CAMKMT: variants seen among roughly 807,000 people sequenced by gnomAD.
CAMKMT encodes calmodulin-lysine N-methyltransferase.
In CAMKMT, 53 loss-of-function variants were observed where a neutral mutation model predicts 48.0. The ratio of observed to expected loss-of-function variants is 1.10; its 90% CI spans 0.89 to 1.39. The LOEUF (loss-of-function observed/expected upper bound fraction) is 1.39, where lower values mean the gene tolerates loss of function less well. CAMKMT is among the 40% of genes most tolerant of loss of function. The probability of loss-of-function intolerance (pLI) is 0.00; values close to 1 mark genes in which losing one functional copy is unlikely to be tolerated. For synonymous variants in CAMKMT, 165 were observed against 152.3 expected (o/e 1.08, Z -0.61); for missense variants, 428 against 402.7 (o/e 1.06, Z -0.54).
rs139603352 is a variant in CAMKMT, at chr2:44,684,167, T to A, written c.377-20116T>A. Among the ~76,000 whole-genome samples, 445 of 152,246 alleles carry A rather than the reference T, an allele frequency of 2.9e-3. 2 individuals carry two copies. The highest frequency in any genetic ancestry group is 0.016 in the South Asian group (79 of 4,824). ...CTTTACTGCTGGAGAGAGAAGGAAA[T>A]CTGTTTTCTGTCCTGAGAAGTCCAG... On this transcript the variant is annotated intron_variant, in intron 3 of 10. Coordinates refer to ENST00000378494, the MANE Select transcript of CAMKMT (RefSeq NM_024766.5).
At chr2:44,540,851 T>G (rs1572751966) in intron 3 of CAMKMT, among the ~76,000 whole-genome samples, 2 of 152,360 alleles carry the variant, frequency 1.3e-5, no homozygotes, top group East Asian at 3.9e-4. Flanking sequence ...AATTTATATT[T>G]ATATATGTGG....
At chr2:44,753,693 G>C (rs1573233683) in intron 8 of CAMKMT, among the ~76,000 whole-genome samples, 1 of 152,184 alleles carries the variant, frequency 6.6e-6, no homozygotes, top group Non-Finnish European at 1.5e-5. Context: ...TTGGTGGGCA[G>C]AGGGCCCAGG....
intron 3 of CAMKMT, among the ~76,000 whole-genome samples, chr2:44,620,824 C>T (rs1672144056): frequency 6.6e-6 from 1 of 152,212 alleles, no homozygotes; most frequent in Admixed American, 6.5e-5. Context: ...AGAATTCAGG[C>T]TCCACCCCTT....
At chr2:44,385,096 T>G (rs898285197) in intron 2 of CAMKMT, among the ~76,000 whole-genome samples, 4 of 152,228 alleles carry the variant, frequency 2.6e-5, no homozygotes, top group African/African-American at 9.6e-5. Context: ...ACCATATTGA[T>G]TCTACCTATC....
At chr2:44,625,813 T>C (rs1404675760) in intron 3 of CAMKMT, among the ~76,000 whole-genome samples, 1 of 152,212 alleles carries the variant, frequency 6.6e-6, no homozygotes, top group African/African-American at 2.4e-5. Context: ...TGAAAATTAA[T>C]TGATGTAAAT....
At chr2:44,469,245 A>G (rs1239767221) in intron 3 of CAMKMT, among the ~76,000 whole-genome samples, 1 of 148,670 alleles carries the variant, frequency 6.7e-6, no homozygotes, top group Non-Finnish European at 1.5e-5. Context: ...ATAAATGTGT[A>G]CAATTACTAT....
At chr2:44,573,274 A>G (rs998184901) in intron 3 of CAMKMT, among the ~76,000 whole-genome samples, 3 of 152,178 alleles carry the variant, frequency 2.0e-5, no homozygotes, top group East Asian at 1.9e-4. Context: ...CCAGTTTTCA[A>G]TCAGGTTTTT....
At chr2:44,372,977 T>C in intron 2 of CAMKMT, 89 bp downstream of exon 2, 1 of 1,250,290 alleles carries the variant, frequency 8.0e-7, no homozygotes. Context: ...TTATTTATTC[T>C]ATTGAGTTTA....
intron 3 of CAMKMT, among the ~76,000 whole-genome samples, chr2:44,409,003 A>G (rs561582749): frequency 6.6e-6 from 1 of 150,854 alleles, no homozygotes; most frequent in East Asian, 2.0e-4. Context: ...CGGCCTCCCA[A>G]AGAGTCAGGA....
At chr2:44,419,008 A>G (rs1683753480) in intron 3 of CAMKMT, among the ~76,000 whole-genome samples, 1 of 152,204 alleles carries the variant, frequency 6.6e-6, no homozygotes, top group African/African-American at 2.4e-5. Flanking sequence ...AATATTTTAA[A>G]TAATCTTTTA....
At chr2:44,772,010 C>G (rs368874581) in intron 10 of CAMKMT, 26 bp from the exon 11 acceptor site, 30 of 1,554,102 alleles carry the variant, frequency 1.9e-5, no homozygotes, top group Non-Finnish European at 2.6e-5. Context: ...GTCCCCTTAC[C>G]TTTTTCTTTC....
At chr2:44,448,273 G>A (rs1158833860) in intron 3 of CAMKMT, among the ~76,000 whole-genome samples, 1 of 152,010 alleles carries the variant, frequency 6.6e-6, no homozygotes, top group Non-Finnish European at 1.5e-5. Flanking sequence ...TCTGCCTTTA[G>A]TTGAAAAAAA....
In CAMKMT at chr2:44,504,424, A is replaced by G. The variant is rs1470719172; in HGVS notation, c.376+114119A>G. On this transcript the variant is annotated intron_variant, in intron 3 of 10. Transcript: ENST00000378494. ...TTCAAAATGAGCTTTTTGAGAGCTC[A>G]TAATTGGCTTACCTTATGATTCCAT... Among the ~76,000 whole-genome samples the G allele has an allele frequency of 3.9e-5, 6 of 152,194 alleles. No homozygotes were observed. The East Asian group carries it at 1.2e-3, about 29-fold the overall frequency.
At chr2:44,489,853 A>C (rs1297580751) in intron 3 of CAMKMT, among the ~76,000 whole-genome samples, 1 of 152,200 alleles carries the variant, frequency 6.6e-6, no homozygotes, top group Non-Finnish European at 1.5e-5. Flanking sequence ...CATCTAATAT[A>C]AGGAGAACTA....
intron 3 of CAMKMT, among the ~76,000 whole-genome samples, chr2:44,410,625 C>T (rs77150081): frequency 6.6e-6 from 1 of 151,982 alleles, no homozygotes; most frequent in East Asian, 1.9e-4. Flanking sequence ...GTCATTTCAC[C>T]TAAAGGGAAC....
intron 3 of CAMKMT, among the ~76,000 whole-genome samples, chr2:44,396,562 A>G (rs1010738052): frequency 6.6e-6 from 1 of 152,128 alleles, no homozygotes; most frequent in African/African-American, 2.4e-5. Context: ...ATTTTTGCTT[A>G]TCAGGTTGGC....
chr2:44,371,781 AC>A (rs149180233), intron 1 of CAMKMT, among the ~76,000 whole-genome samples: 4,628 of 152,294 alleles, frequency 0.03, 202 homozygotes, highest in African/African-American at 0.099. Flanking sequence ...TTAAAAAATC[AC>A]AATACCACAT....
At chr2:44,683,596 G>A (rs997990852) in intron 3 of CAMKMT, among the ~76,000 whole-genome samples, 2 of 151,994 alleles carry the variant, frequency 1.3e-5, no homozygotes, top group African/African-American at 4.8e-5. Flanking sequence ...CGAGGCGGGC[G>A]GATCGCAAGG....
chr2:44,473,864 G>A lies in CAMKMT; in HGVS notation c.376+83559G>A, dbSNP rs551249793. Reference sequence around the variant, plus strand: ...ATCTTTGGTTATTACTGGGATACCCGTCATTTATCTCTGCCCTTCTTTTAC... The same window carrying A: ...ATCTTTGGTTATTACTGGGATACCCATCATTTATCTCTGCCCTTCTTTTAC... On this transcript the variant is annotated intron_variant, in intron 3 of 10. Coordinates refer to ENST00000378494, the MANE Select transcript of CAMKMT (RefSeq NM_024766.5). Among the ~76,000 whole-genome samples the A allele has an allele frequency of 5.3e-5, 8 of 152,186 alleles. No homozygotes were observed. The South Asian group carries it at 8.3e-4, about 16-fold the overall frequency.
Sources: allele counts gnomAD v4.1 joint callset (sites outside exome capture counted in the v4.1 genomes callset), GRCh38; gene constraint gnomAD v4.1.1; transcripts MANE v1.5; gene names NCBI Gene and HGNC (gene_info 2026-07-23, HGNC 2026-07-21).